The following DAB1 variants were observed in gnomAD, a reference collection of about 807,000 sequenced individuals.
DAB1 encodes DAB adaptor protein 1.
Under a neutral mutation model 64.6 loss-of-function variants are expected in DAB1, and 15 were observed. The observed-to-expected ratio is 0.23, with a 90% CI of 0.16 to 0.36. The LOEUF is 0.36. Ranked by LOEUF, DAB1 falls within the 10% of genes least tolerant of loss-of-function variation. The pLI is 1.00. For synonymous variants in DAB1, 235 were observed against 251.9 expected (o/e 0.93, Z 0.64); for missense variants, 596 against 706.7 (o/e 0.84, Z 1.78).
At chr1:58,269,030 A>G (rs498927) in intron 4 of DAB1, among the ~76,000 whole-genome samples, 19,988 of 149,786 alleles carry the variant, frequency 0.13, 1,549 homozygotes, top group Admixed American at 0.2. Context: ...TTTTTTTATT[A>G]TACTTTAAGT....
intron 2 of DAB1, among the ~76,000 whole-genome samples, chr1:57,258,227 T>C (rs1669911209): frequency 6.6e-6 from 1 of 152,160 alleles, no homozygotes. Flanking sequence ...GACGCAAGCA[T>C]TAGTATGCCC....
At chr1:58,422,946 C>G (rs1240966938) in intron 3 of DAB1, among the ~76,000 whole-genome samples, 1 of 152,160 alleles carries the variant, frequency 6.6e-6, no homozygotes, top group African/African-American at 2.4e-5. Flanking sequence ...AGCTAGAACC[C>G]CAATTGCAAG....
At chr1:57,773,565 G>A (rs1924266) in intron 6 of DAB1, among the ~76,000 whole-genome samples, 151,649 of 152,160 alleles carry the variant, frequency 1, 75,571 homozygotes, top group Middle Eastern at 1. Context: ...TATATGTCTT[G>A]AGAAATACGT....
chr1:57,499,434 T>C (rs1455764313), intron 7 of DAB1, among the ~76,000 whole-genome samples: 3 of 152,170 alleles, frequency 2.0e-5, no homozygotes, highest in Non-Finnish European at 2.9e-5. Flanking sequence ...AAATTAGATA[T>C]ATTTATCGCA....
intron 14 of DAB1, among the ~76,000 whole-genome samples, chr1:57,000,975 C>A (rs891368842): frequency 1.3e-5 from 2 of 152,152 alleles, no homozygotes; most frequent in African/African-American, 4.8e-5. Flanking sequence ...CTTCAAATAC[C>A]CATCACAACA....
intron 11 of DAB1, among the ~76,000 whole-genome samples, chr1:57,018,438 C>A (rs577185692): frequency 6.6e-6 from 1 of 152,172 alleles, no homozygotes; most frequent in African/African-American, 2.4e-5. Flanking sequence ...ATTACAAGTT[C>A]TCTTTCTTTT....
At chr1:57,537,110 T>TA (rs1251411206) in intron 7 of DAB1, among the ~76,000 whole-genome samples, 1 of 152,248 alleles carries the variant, frequency 6.6e-6, no homozygotes, top group Non-Finnish European at 1.5e-5. Flanking sequence ...CTGTGTTAGA[T>TA]AAAATACGTC....
intron 3 of DAB1, among the ~76,000 whole-genome samples, chr1:58,416,816 C>G (rs1281185451): frequency 6.6e-6 from 1 of 151,906 alleles, no homozygotes; most frequent in East Asian, 1.9e-4. Flanking sequence ...TTATGAAGAC[C>G]CTACCTTCAT....
At chr1:57,222,218 C>T (rs891446215) in intron 2 of DAB1, among the ~76,000 whole-genome samples, 1 of 152,098 alleles carries the variant, frequency 6.6e-6, no homozygotes, top group Non-Finnish European at 1.5e-5. Context: ...CATAGTCTGT[C>T]CTTTAGTCTT....
chr1:58,181,824 T>A (rs1656810244), intron 4 of DAB1, among the ~76,000 whole-genome samples: 1 of 152,024 alleles, frequency 6.6e-6, no homozygotes, highest in Non-Finnish European at 1.5e-5. Flanking sequence ...GTCTTTTAAA[T>A]CAGTTATGAG....
chr1:57,542,841 A>G (rs561948913), intron 7 of DAB1, among the ~76,000 whole-genome samples: 1 of 152,264 alleles, frequency 6.6e-6, no homozygotes, highest in East Asian at 1.9e-4. Context: ...GTGGCAGAAG[A>G]GATGATATGT....
At chr1:57,985,481 A>G (rs1045878802) in intron 5 of DAB1, among the ~76,000 whole-genome samples, 1 of 152,190 alleles carries the variant, frequency 6.6e-6, no homozygotes, top group Non-Finnish European at 1.5e-5. Context: ...GGTGATTAGC[A>G]TTAACACCAA....
intron 1 of DAB1, among the ~76,000 whole-genome samples, chr1:57,295,266 G>A (rs989275488): frequency 7.9e-5 from 12 of 152,146 alleles, no homozygotes; most frequent in Non-Finnish European, 1.5e-5. Flanking sequence ...AACCTGATAT[G>A]AGCCTTGTGT....
At chr1:58,510,574 T>C (rs962876738) in intron 2 of DAB1, among the ~76,000 whole-genome samples, 1 of 152,134 alleles carries the variant, frequency 6.6e-6, no homozygotes, top group African/African-American at 2.4e-5. Context: ...AAGGCAAGAA[T>C]GACCAATCTT....
intron 2 of DAB1, among the ~76,000 whole-genome samples, chr1:57,286,190 C>T (rs1672302699): frequency 6.6e-6 from 1 of 152,174 alleles, no homozygotes. Context: ...TTGAAACCGT[C>T]TGGCTTGCTT....
chr1:57,802,615 G>A (rs910133239), intron 6 of DAB1, among the ~76,000 whole-genome samples: 1 of 152,080 alleles, frequency 6.6e-6, no homozygotes, highest in Non-Finnish European at 1.5e-5. Flanking sequence ...TGGATTATGG[G>A]GTCAGACTTC....
chr1:58,161,061 T>C (rs186367225), intron 4 of DAB1, among the ~76,000 whole-genome samples: 96 of 152,240 alleles, frequency 6.3e-4, no homozygotes, highest in African/African-American at 2.2e-3. Context: ...AGAAAAGATG[T>C]TATAACCTAG....
rs180774630 is a variant in DAB1 at position 57,602,894 on chromosome 1, C to T, written n.625+46698G>A. On this transcript the variant is annotated intron_variant and non_coding_transcript_variant, in intron 7 of 20. Coordinates refer to the DAB1 transcript ENST00000485760. ...CAAGGGGAAAAAGGAACTTGGGGTG[C>T]TATTTCCAAATAGAGGGGGCATGAG... is the stretch of plus-strand genomic sequence containing the variant. Among the ~76,000 whole-genome samples, 16 of 152,204 alleles carry T rather than the reference C, an allele frequency of 1.1e-4. No homozygotes were observed. The East Asian group carries it at 3.1e-3, about 30-fold the overall frequency.
intron 7 of DAB1, among the ~76,000 whole-genome samples, chr1:57,610,868 C>A (rs1217710342): frequency 2.0e-5 from 3 of 152,130 alleles, no homozygotes; most frequent in Non-Finnish European, 4.4e-5. Flanking sequence ...GGGGACACAG[C>A]CAAACCATAT....
Sources: gnomAD v4.1 joint callset for allele counts (sites outside exome capture counted in the v4.1 genomes callset) on GRCh38, gnomAD v4.1.1 for gene constraint, MANE v1.5 for transcripts, NCBI Gene and HGNC (gene_info 2026-07-23, HGNC 2026-07-21) for gene names.